The following PIEZO2 variants were observed in gnomAD, a reference collection of about 807,000 sequenced individuals.
PIEZO2 encodes the protein piezo type mechanosensitive ion channel component 2.
In PIEZO2, 172 loss-of-function variants were observed where a neutral mutation model predicts 337.3. The observed-to-expected ratio is 0.51, with a 90% CI of 0.45 to 0.58. PIEZO2 has a LOEUF of 0.58. Ranked by LOEUF, PIEZO2 falls within the 20% of genes least tolerant of loss-of-function variation. PIEZO2 has a pLI of 0.00. For missense variants in PIEZO2, 3,028 were observed against 3,391.3 expected, an observed-to-expected ratio of 0.89 and a Z score of 2.66; for synonymous variants, 1,251 against 1,228.5, an observed-to-expected ratio of 1.02 and a Z score of -0.38.
In PIEZO2 at chr18:10,813,271, G is replaced by A. The variant is rs906363167; in HGVS notation, c.918-5997C>T. Among the ~76,000 whole-genome samples the A allele has an allele frequency of 2.0e-5, 3 of 152,126 alleles. No homozygotes were observed. Among genetic ancestry groups the A allele is most frequent in the East Asian group, 1.9e-4 (1 of 5,202 alleles). On this transcript the variant is annotated intron_variant, in intron 7 of 55. Coordinates refer to ENST00000674853, the MANE Select transcript of PIEZO2 (RefSeq NM_001378183.1). The surrounding 1 kb of genome is among the most constrained non-coding windows in gnomAD (Gnocchi z 4.2). ...TGGCATTACAGGAGTGAGCCACCGCGCCCGGGCCATTTTAAACATTTTTAA... is the reference window on the plus strand; with the variant it reads ...TGGCATTACAGGAGTGAGCCACCGCACCCGGGCCATTTTAAACATTTTTAA...
In PIEZO2 at chr18:10,672,909, A is replaced by G; in HGVS notation, c.8162-36T>C. The G allele has an allele frequency of 6.5e-7, 1 of 1,535,406 alleles. No homozygotes were observed. The highest frequency in any genetic ancestry group is 2.0e-4 in the Middle Eastern group (1 of 4,908). On this transcript the variant is annotated intron_variant, in intron 54 of 55. Transcript: ENST00000674853. The surrounding 1 kb of genome is among the most constrained non-coding windows in gnomAD (Gnocchi z 4.7). The stretch of plus-strand genomic sequence containing the variant: ...AGAAATGCAAAATTAAGTTGACATG[A>G]GAATTTTAGGATTTCATGCACAGCA...
rs550467089 is a variant in PIEZO2, at chr18:10,819,645, G to A, written c.918-12371C>T. ...TCAATGTTGTTCTCAATGCATCATCGGTGTTCACCTTCATGCTTGTTCTCT... is the reference window on the plus strand; with the variant it reads ...TCAATGTTGTTCTCAATGCATCATCAGTGTTCACCTTCATGCTTGTTCTCT... On this transcript the variant is annotated intron_variant, in intron 7 of 55. Transcript: ENST00000674853. The surrounding 1 kb of genome is among the most constrained non-coding windows in gnomAD (Gnocchi z 4.3). 6.2e-4 allele frequency among the ~76,000 whole-genome samples: 95 copies of A among 152,206 alleles called. No individual in the cohort carries two copies. Among genetic ancestry groups the A allele is most frequent in the African/African-American group, 2.1e-3 (86 of 41,540 alleles).
At position 11,080,762 on chromosome 18, in the gene PIEZO2, T is replaced by G. The variant is rs750358094; in HGVS notation, c.65-14540A>C. Among the ~76,000 whole-genome samples, 7 of 152,168 alleles carry G rather than the reference T, an allele frequency of 4.6e-5. No individual in the cohort carries two copies. Among genetic ancestry groups the G allele is most frequent in the Non-Finnish European group, 7.3e-5 (5 of 68,034 alleles). The stretch of plus-strand genomic sequence containing the variant: ...GAGAGGCTGAGGCAGGAGAATCGCT[T>G]GAACTCGGGAGGCGGAGGTCACGGT... On this transcript the variant is annotated intron_variant, in intron 1 of 55. Coordinates refer to ENST00000674853, the MANE Select transcript of PIEZO2 (RefSeq NM_001378183.1). This position sits in a 1 kb window ranked among gnomAD's most constrained non-coding sequence, Gnocchi z 5.4.
intron 47 of PIEZO2, among the ~76,000 whole-genome samples, chr18:10,695,563 T>C (rs11660953): frequency 0.36 from 54,756 of 151,960 alleles, 9,874 homozygotes; most frequent in Non-Finnish European, 0.38. Flanking sequence ...CTTTCAAACC[T>C]CGCTGCAGTT....
Position 10,672,733 on chromosome 18 carries a change from C to G in PIEZO2, c.8302G>C (p.Asp2768His). 1 of 1,614,068 alleles carries G rather than the reference C, an allele frequency of 6.2e-7. No homozygotes were observed. The highest frequency in any genetic ancestry group is 8.5e-7 in the Non-Finnish European group (1 of 1,179,980). The part of the protein sequence containing the change: ...SQALELVVFN[D>H]KVSPPSLGFL... ...CCCAGACTTGGGGGACTGACTTTGT[C>G]ATTGAAGACCACCAGTTCCAGGGCC... Residue 2768 changes from aspartate (D) to histidine (H), a missense_variant, in exon 55 of 56, where the codon GAC (aspartate) becomes CAC (histidine). Physicochemically the swap from Asp to His is moderately conservative, Grantham distance 81. Coordinates refer to ENST00000674853, the MANE Select transcript of PIEZO2 (RefSeq NM_001378183.1). This position sits in a 1 kb window ranked among gnomAD's most constrained non-coding sequence, Gnocchi z 4.7.
chr18:10,925,373 A>C (rs908987897), intron 3 of PIEZO2, among the ~76,000 whole-genome samples: 13 of 152,214 alleles, frequency 8.5e-5, no homozygotes, highest in Non-Finnish European at 1.8e-4. Flanking sequence ...GACAGGTAAA[A>C]GCAAGACACT....
intron 1 of PIEZO2, among the ~76,000 whole-genome samples, chr18:11,084,198 AAGAC>A (rs1355172509): frequency 2.0e-5 from 3 of 149,106 alleles, no homozygotes; most frequent in Non-Finnish European, 3.0e-5. Flanking sequence ...AAAAAAAAAA[AAGAC>A]AGAGAGAGAG....
At chr18:10,799,294 G>A (rs954258027) in intron 11 of PIEZO2, among the ~76,000 whole-genome samples, 6 of 152,210 alleles carry the variant, frequency 3.9e-5, no homozygotes, top group Admixed American at 2.6e-4. Flanking sequence ...TTTTATAGTC[G>A]CTTTGTAATT....
intron 1 of PIEZO2, among the ~76,000 whole-genome samples, chr18:11,079,203 C>T (rs982219512): frequency 3.9e-5 from 6 of 152,276 alleles, no homozygotes; most frequent in East Asian, 1.9e-4. Flanking sequence ...CATATATTTA[C>T]GAAATGGTGC....
chr18:11,071,484 C>T (rs2038337349), intron 1 of PIEZO2, among the ~76,000 whole-genome samples: 1 of 152,198 alleles, frequency 6.6e-6, no homozygotes, highest in Non-Finnish European at 1.5e-5. Flanking sequence ...TGTACCCTGC[C>T]TTTGGGAGCT....
intron 35 of PIEZO2, among the ~76,000 whole-genome samples, chr18:10,733,584 G>A (rs1315602044): frequency 6.6e-6 from 1 of 151,956 alleles, no homozygotes; most frequent in African/African-American, 2.4e-5. Context: ...GAGTAGCTGG[G>A]ACTACAGGCG....
intron 3 of PIEZO2, among the ~76,000 whole-genome samples, chr18:10,948,624 G>A (rs145015553): frequency 4.6e-5 from 7 of 152,248 alleles, no homozygotes; most frequent in African/African-American, 1.2e-4. Context: ...ATACGCGCTC[G>A]AGTGCTGTGG....
intron 1 of PIEZO2, among the ~76,000 whole-genome samples, chr18:11,117,019 G>T (rs55884732): frequency 6.6e-6 from 1 of 152,098 alleles, no homozygotes; most frequent in Non-Finnish European, 1.5e-5. Flanking sequence ...TGAGGCAAGA[G>T]AATCATTTGA....
chr18:10,880,012 C>A (rs74838519), intron 4 of PIEZO2, among the ~76,000 whole-genome samples: 1 of 152,102 alleles, frequency 6.6e-6, no homozygotes, highest in Non-Finnish European at 1.5e-5. Context: ...CCTATTTCAG[C>A]GCAGGGGAGA....
intron 11 of PIEZO2, among the ~76,000 whole-genome samples, chr18:10,799,015 T>G (rs1478831132): frequency 6.6e-6 from 1 of 152,216 alleles, no homozygotes; most frequent in African/African-American, 2.4e-5. Flanking sequence ...GATTTAACCT[T>G]ACTGCGGAAT....
At chr18:10,765,053 G>A (rs941874643) in intron 21 of PIEZO2, among the ~76,000 whole-genome samples, 10 of 152,216 alleles carry the variant, frequency 6.6e-5, no homozygotes, top group Admixed American at 3.9e-4. Context: ...GATGGAGAAA[G>A]GGAAGTAAAG....
intron 3 of PIEZO2, among the ~76,000 whole-genome samples, chr18:10,967,283 C>CT (rs1371824256): frequency 2.6e-5 from 4 of 152,166 alleles, no homozygotes; most frequent in African/African-American, 9.6e-5. Flanking sequence ...TCCCAAAGTG[C>CT]TGGGATTACA....
intron 15 of PIEZO2, among the ~76,000 whole-genome samples, chr18:10,787,990 G>A (rs986937078): frequency 1.3e-5 from 2 of 152,090 alleles, no homozygotes; most frequent in African/African-American, 4.8e-5. Flanking sequence ...ACAAAGAGCA[G>A]GCACATGCCA....
At chr18:11,045,359 CATTGAACTTATGGCCAACAGCAAA>C (rs1313250962) in intron 2 of PIEZO2, among the ~76,000 whole-genome samples, 1 of 128,232 alleles carries the variant, frequency 7.8e-6, no homozygotes, top group Admixed American at 8.0e-5. Context: ...GTTTCATTAA[CATTGAACTTATGGCCAACAGCAAA>C]ATTATTCAAG....
Sources: gnomAD v4.1 joint callset for allele counts (sites outside exome capture counted in the v4.1 genomes callset) on GRCh38, gnomAD v4.1.1 for gene constraint, Gnocchi (gnomAD v3.1) non-coding constraint, MANE v1.5 for transcripts, NCBI Gene and HGNC (gene_info 2026-07-23, HGNC 2026-07-21) for gene names.